Variants in MKLN1 observed in about 807,000 individuals in gnomAD.
MKLN1 encodes muskelin 1.
Under a neutral mutation model 99.0 loss-of-function variants are expected in MKLN1, and 18 were observed. That is an observed-to-expected ratio of 0.18 (90% CI 0.13 to 0.27). The LOEUF is 0.27. MKLN1 is among the 10% of genes least tolerant of loss of function. The pLI, the probability that MKLN1 is intolerant of heterozygous loss-of-function variation, is 1.00. For missense variants in MKLN1, 621 were observed against 875.9 expected, an observed-to-expected ratio of 0.71 and a Z score of 3.67; for synonymous variants, 288 against 293.2, an observed-to-expected ratio of 0.98 and a Z score of 0.18.
intron 3 of MKLN1, among the ~76,000 whole-genome samples, chr7:131,225,469 C>T (rs770563821): frequency 1.3e-5 from 2 of 152,192 alleles, no homozygotes; most frequent in African/African-American, 4.8e-5. Flanking sequence ...GCTGGAGTCC[C>T]AGCCACCTCA....
intron 4 of MKLN1, 93 bp from the exon 5 acceptor site, chr7:131,397,174 C>T: frequency 1.2e-6 from 1 of 800,342 alleles, no homozygotes; most frequent in Middle Eastern, 2.6e-4. Flanking sequence ...TTGAATGAAT[C>T]CTTATAAGGT....
chr7:131,333,728 G>A (rs1302247962), intron 1 of MKLN1, among the ~76,000 whole-genome samples: 1 of 152,046 alleles, frequency 6.6e-6, no homozygotes, highest in Non-Finnish European at 1.5e-5. Flanking sequence ...AGTAGAGACG[G>A]GGTTTCTCCG....
intron 8 of MKLN1, among the ~76,000 whole-genome samples, chr7:131,416,502 T>C (rs998327803): frequency 6.6e-6 from 1 of 150,888 alleles, no homozygotes; most frequent in Non-Finnish European, 1.5e-5. Flanking sequence ...AATAAAGTTA[T>C]AAAGGCCTAG....
intron 12 of MKLN1, among the ~76,000 whole-genome samples, chr7:131,460,815 C>T (rs1448635877): frequency 6.6e-6 from 1 of 152,154 alleles, no homozygotes; most frequent in East Asian, 1.9e-4. Context: ...AATTCAAAGG[C>T]TCACTATTAA....
chr7:131,236,003 A>T (rs1797316225), intron 3 of MKLN1, among the ~76,000 whole-genome samples: 1 of 152,240 alleles, frequency 6.6e-6, no homozygotes, highest in African/African-American at 2.4e-5. Context: ...AGTTTTTCAA[A>T]GGAAGTCAAA....
chr7:131,168,925 T>C (rs1021014080), intron 2 of MKLN1, among the ~76,000 whole-genome samples: 2 of 151,406 alleles, frequency 1.3e-5, no homozygotes, highest in South Asian at 4.2e-4. Flanking sequence ...TGGAGGGCAG[T>C]GGTGCAATCT....
chr7:131,424,015 G>A (rs1795280167), intron 8 of MKLN1, among the ~76,000 whole-genome samples: 1 of 152,136 alleles, frequency 6.6e-6, no homozygotes, highest in Non-Finnish European at 1.5e-5. Flanking sequence ...GATACTTCAA[G>A]GGGATGGCTT....
chr7:131,135,824 T>A (rs1795641437), intron 1 of MKLN1, among the ~76,000 whole-genome samples: 1 of 152,180 alleles, frequency 6.6e-6, no homozygotes, highest in African/African-American at 2.4e-5. Context: ...AGATGCTTGT[T>A]GAACGGGTAA....
chr7:131,239,378 T>A (rs1284930251), intron 3 of MKLN1, among the ~76,000 whole-genome samples: 1 of 151,858 alleles, frequency 6.6e-6, no homozygotes, highest in Non-Finnish European at 1.5e-5. Flanking sequence ...ACTGACACGA[T>A]CATAGCTCAT....
At position 131,329,507 on chromosome 7, in the gene MKLN1, T is replaced by C. The variant is rs569193453; in HGVS notation, c.98+1510T>C. On this transcript the variant is annotated intron_variant, in intron 1 of 17. Transcript: ENST00000352689. Reference sequence around the variant, plus strand: ...TATCTTGTTCTTGGATCTGAAGTTATTCAGCTTTTTTCTATACCCAGGCTA... The same window carrying C: ...TATCTTGTTCTTGGATCTGAAGTTACTCAGCTTTTTTCTATACCCAGGCTA... Among the ~76,000 whole-genome samples, 7 of 152,332 alleles carry C rather than the reference T, an allele frequency of 4.6e-5. No individual in the cohort carries two copies. The South Asian group carries it at 1.0e-3, about 23-fold the overall frequency.
intron 16 of MKLN1, among the ~76,000 whole-genome samples, chr7:131,474,035 A>C (rs549191451): frequency 1.3e-5 from 2 of 152,242 alleles, no homozygotes; most frequent in African/African-American, 4.8e-5. Context: ...CTGTAATCCC[A>C]GCTGATCGGG....
At chr7:131,180,624 G>A (rs1336958692) in intron 2 of MKLN1, among the ~76,000 whole-genome samples, 2 of 151,312 alleles carry the variant, frequency 1.3e-5, no homozygotes, top group Non-Finnish European at 2.9e-5. Flanking sequence ...ACTTGAACCT[G>A]AGAGGTGGAG....
chr7:131,164,726 G>A (rs761953544), intron 2 of MKLN1, among the ~76,000 whole-genome samples: 1 of 152,288 alleles, frequency 6.6e-6, no homozygotes. Context: ...ATGTCATTCA[G>A]ATGAGATGAC....
intron 3 of MKLN1, among the ~76,000 whole-genome samples, chr7:131,230,646 A>G (rs1378674658): frequency 1.3e-5 from 2 of 152,234 alleles, no homozygotes; most frequent in Non-Finnish European, 2.9e-5. Context: ...AACCTTAATC[A>G]TAAATCCTAC....
chr7:131,409,237 A>G (rs1291783787), intron 6 of MKLN1, among the ~76,000 whole-genome samples: 2 of 152,218 alleles, frequency 1.3e-5, no homozygotes, highest in Non-Finnish European at 2.9e-5. Context: ...TTATATATCT[A>G]AAGCAAGCCT....
upstream of MKLN1, among the ~76,000 whole-genome samples, chr7:131,326,014 G>A (rs972749542): frequency 6.6e-6 from 1 of 152,066 alleles, no homozygotes; most frequent in African/African-American, 2.4e-5. Context: ...TTAAGCTTAA[G>A]AAGAACTAAT....
intron 10 of MKLN1, among the ~76,000 whole-genome samples, chr7:131,439,998 A>G (rs754594238): frequency 3.3e-5 from 5 of 152,120 alleles, no homozygotes; most frequent in Non-Finnish European, 5.9e-5. Context: ...AGAAACAACT[A>G]AAATACTCAG....
Position 131,490,862 on chromosome 7 carries a change from A to G in MKLN1, c.*3134A>G, listed in dbSNP as rs1040411014. The G allele has an allele frequency of 2.6e-5, 4 of 152,628 alleles. No individual in the cohort carries two copies. The highest frequency in any genetic ancestry group is 4.8e-5 in the African/African-American group (2 of 41,454). The allele number at this position is 152,628 out of a possible 1,614,324, so 9.5% of individuals were successfully genotyped here. ...TATGTAGAGATACATTAACAGAGTT[A>G]TAATAAAACAGTGTTTTAAAATCTA... On this transcript the variant is annotated 3_prime_UTR_variant, in exon 18 of 18. Transcript: ENST00000352689.
chr7:131,258,633 C>G (rs1289577507), intron 3 of MKLN1, among the ~76,000 whole-genome samples: 1 of 152,178 alleles, frequency 6.6e-6, no homozygotes, highest in Non-Finnish European at 1.5e-5. Context: ...AAGTGCTTTG[C>G]AGATGTTATC....
Sources: gnomAD v4.1 joint callset for allele counts (sites outside exome capture counted in the v4.1 genomes callset) on GRCh38, gnomAD v4.1.1 for gene constraint, MANE v1.5 for transcripts, NCBI Gene and HGNC (gene_info 2026-07-23, HGNC 2026-07-21) for gene names.